The following MMRN1 variants were observed in gnomAD, a reference collection of about 807,000 sequenced individuals.
MMRN1 encodes the protein multimerin 1.
In MMRN1, 94 loss-of-function variants were observed where a neutral mutation model predicts 100.7. The observed-to-expected ratio is 0.93, with a 90% CI of 0.79 to 1.11. The LOEUF is 1.11. MMRN1 is among the 50% of genes least tolerant of loss of function. The pLI is 0.00. For missense variants in MMRN1, 1,606 were observed against 1,439.1 expected (o/e 1.12, Z -1.88); for synonymous variants, 575 against 505.0 (o/e 1.14, Z -1.86).
At chr4:89,882,705 G>A (rs947736835) in intron 1 of MMRN1, among the ~76,000 whole-genome samples, 1 of 151,774 alleles carries the variant, frequency 6.6e-6, no homozygotes, top group Non-Finnish European at 1.5e-5. Context: ...ATAGGAAGAG[G>A]CAAACATTCT....
chr4:89,905,036 G>A (rs1721521307), intron 1 of MMRN1, among the ~76,000 whole-genome samples: 1 of 151,534 alleles, frequency 6.6e-6, no homozygotes, highest in Non-Finnish European at 1.5e-5. Flanking sequence ...ATCCACATAT[G>A]TCAGACTTAT....
intron 5 of MMRN1, among the ~76,000 whole-genome samples, chr4:89,932,965 G>A (rs547340185): frequency 2.0e-5 from 3 of 151,942 alleles, no homozygotes; most frequent in African/African-American, 7.3e-5. Flanking sequence ...TTCATCATCA[G>A]CCTGCAAATT....
intron 7 of MMRN1, among the ~76,000 whole-genome samples, chr4:89,952,459 G>A (rs1438192556): frequency 6.6e-6 from 1 of 152,120 alleles, no homozygotes; most frequent in Non-Finnish European, 1.5e-5. Context: ...TCTGTTTTTA[G>A]ATCTCAGCCT....
chr4:89,906,731 T>C (rs1578473008), intron 1 of MMRN1, among the ~76,000 whole-genome samples: 2 of 151,650 alleles, frequency 1.3e-5, no homozygotes, highest in African/African-American at 4.8e-5. Flanking sequence ...GCTTATTTCA[T>C]TGGTAGCATA....
At chr4:89,907,388 TC>T (rs1560583438) in intron 1 of MMRN1, among the ~76,000 whole-genome samples, 1 of 151,608 alleles carries the variant, frequency 6.6e-6, no homozygotes, top group Non-Finnish European at 1.5e-5. Flanking sequence ...AATGATTAAA[TC>T]AAGCAATTAA....
At position 89,931,666 on chromosome 4, in the gene MMRN1, G is replaced by A. The variant is rs537773983; in HGVS notation, c.1130-3144G>A. ...GAAGATGAAGAAGGAGCAAAGCCAC[G>A]TCTTACATGGTGGCAGGCAAGAGAG... On this transcript the variant is annotated intron_variant, in intron 5 of 7. Coordinates refer to ENST00000264790, the MANE Select transcript of MMRN1 (RefSeq NM_007351.3). Among the ~76,000 whole-genome samples the A allele has an allele frequency of 1.2e-4, 18 of 152,266 alleles. No homozygotes were observed. The East Asian group carries it at 1.7e-3, about 15-fold the overall frequency.
At chr4:89,948,517 A>G (rs1217029286) in intron 6 of MMRN1, among the ~76,000 whole-genome samples, 1 of 152,212 alleles carries the variant, frequency 6.6e-6, no homozygotes, top group Non-Finnish European at 1.5e-5. Flanking sequence ...AATACATCAG[A>G]GCACAGGAGA....
intron 5 of MMRN1, among the ~76,000 whole-genome samples, chr4:89,932,471 G>C (rs1213697340): frequency 6.6e-6 from 1 of 152,162 alleles, no homozygotes. Flanking sequence ...ACACTGTGTG[G>C]GGGGTCCCAC....
intron 6 of MMRN1, 90 bp downstream of exon 6, chr4:89,936,888 A>T: frequency 2.6e-6 from 3 of 1,161,446 alleles, no homozygotes; most frequent in Non-Finnish European, 3.5e-6. Context: ...ACCATTAAAC[A>T]TAAAACTACA....
rs145913619 is a variant in MMRN1 at position 89,882,509 on chromosome 4, C to G, written c.-249+2907C>G. Reference sequence around the variant, plus strand: ...TGAACACTTTTAACAGTGAAGTTTTCTTAATGCTCTTTTGCATTTTTTTCC... The same window carrying G: ...TGAACACTTTTAACAGTGAAGTTTTGTTAATGCTCTTTTGCATTTTTTTCC... On this transcript the variant is annotated intron_variant, in intron 1 of 8. Coordinates refer to the MMRN1 transcript ENST00000394980. 6.8e-3 allele frequency among the ~76,000 whole-genome samples: 1,039 copies of G among 151,852 alleles called. 10 individuals carry two copies. The highest frequency in any genetic ancestry group is 0.024 in the African/African-American group (1,001 of 41,512).
chr4:89,944,914 G>A (rs1013818599), intron 6 of MMRN1, among the ~76,000 whole-genome samples: 2 of 152,116 alleles, frequency 1.3e-5, no homozygotes, highest in Non-Finnish European at 2.9e-5. Flanking sequence ...GATAGCCTAT[G>A]AGTTTTGACA....
rs118027643 is a variant in MMRN1, at chr4:89,898,136, C to A, written c.623+2542C>A. On this transcript the variant is annotated intron_variant, in intron 1 of 7. Transcript: ENST00000264790. ...AGGTCCTTCACTTTTGGACACAGTG[C>A]TGCTGCAAACCCTTGATATGGTCAA... is the stretch of plus-strand genomic sequence containing the variant. Among the ~76,000 whole-genome samples, 44 of 152,232 alleles carry A rather than the reference C, an allele frequency of 2.9e-4. No individual in the cohort carries two copies. The East Asian group carries it at 7.9e-3, about 27-fold the overall frequency.
rs748844077 is a variant in MMRN1, at chr4:89,895,132, T to C, written c.161T>C (p.Ile54Thr). The change falls in exon 1 of 8, where the codon ATA (isoleucine) becomes ACA (threonine). Residue 54 changes from isoleucine to threonine, a missense_variant. Ile to Thr is a moderately conservative substitution (Grantham distance 89). Transcript: ENST00000264790. ...CCAAATAAAATACAAAGTTTGCAAA[T>C]ACTGCCAACCACTCGGGTCATGTCG... ...VPPNKIQSLQ[I>T]LPTTRVMSAE... 1.2e-6 allele frequency: 2 copies of C among 1,613,728 alleles called. No homozygotes were observed. The highest frequency in any genetic ancestry group is 1.3e-5 in the African/African-American group (1 of 74,960).
chr4:89,935,745 A>C lies in MMRN1; in HGVS notation c.2065A>C (p.Asn689His), dbSNP rs1722604402. The change falls in exon 6 of 8, where the codon AAT (asparagine) becomes CAT (histidine). Residue 689 changes from asparagine (N) to histidine (H), a missense_variant. By Grantham distance (68) the Asn-to-His change is moderately conservative (BLOSUM62 1). Transcript: ENST00000264790. ...TCTGACTAGTGCTGTCAATAGTCTA[A>C]ATTTTATTATCAAAGAACTTACAAA... ...ENLTSAVNSL[N>H]FIIKELTKRH... The C allele has an allele frequency of 3.1e-6, 5 of 1,611,866 alleles. No individual in the cohort carries two copies. The highest frequency in any genetic ancestry group is 4.2e-6 in the Non-Finnish European group (5 of 1,179,312).
At chr4:89,893,489 G>A (rs116199038), upstream of MMRN1, among the ~76,000 whole-genome samples, 3,478 of 152,110 alleles carry the variant, frequency 0.023, 51 homozygotes, top group Middle Eastern at 0.065. Context: ...ACATAACCAA[G>A]CAGGCATTAG....
At chr4:89,943,420 T>TA in intron 6 of MMRN1, among the ~76,000 whole-genome samples, 1 of 152,208 alleles carries the variant, frequency 6.6e-6, no homozygotes, top group African/African-American at 2.4e-5. Flanking sequence ...AGGATCTTTG[T>TA]AAAACACTTT....
chr4:89,894,241 G>T (rs374732863), upstream of MMRN1, among the ~76,000 whole-genome samples: 2 of 151,996 alleles, frequency 1.3e-5, no homozygotes, highest in Non-Finnish European at 2.9e-5. Context: ...TGACTTCCTG[G>T]TATACCTGTC....
At chr4:89,885,911 TCTTC>T (rs1241381246) in intron 1 of MMRN1, among the ~76,000 whole-genome samples, 3 of 152,074 alleles carry the variant, frequency 2.0e-5, no homozygotes, top group Non-Finnish European at 4.4e-5. Context: ...TTCCACTATT[TCTTC>T]CTTCTACTAA....
intron 5 of MMRN1, among the ~76,000 whole-genome samples, chr4:89,931,671 A>G (rs772083661): frequency 6.6e-6 from 1 of 152,180 alleles, no homozygotes; most frequent in South Asian, 2.1e-4. Context: ...GCCACGTCTT[A>G]CATGGTGGCA....
Sources: allele counts gnomAD v4.1 joint callset (sites outside exome capture counted in the v4.1 genomes callset), GRCh38; gene constraint gnomAD v4.1.1; transcripts MANE v1.5; gene names NCBI Gene and HGNC (gene_info 2026-07-23, HGNC 2026-07-21).